The following HIP1 variants were observed in gnomAD, a reference collection of about 807,000 sequenced individuals.
HIP1 encodes the protein huntingtin interacting protein 1.
Under a neutral mutation model 147.6 loss-of-function variants are expected in HIP1, and 65 were observed. That is an observed-to-expected ratio of 0.44 (90% CI 0.36 to 0.54). The LOEUF (loss-of-function observed/expected upper bound fraction) is 0.54. HIP1 is among the 20% of genes least tolerant of loss of function. The probability of loss-of-function intolerance (pLI) is 0.00; values close to 1 mark genes in which losing one functional copy is unlikely to be tolerated. For synonymous variants in HIP1, 479 were observed against 504.0 expected, an observed-to-expected ratio of 0.95 and a Z score of 0.67; for missense variants, 1,061 against 1,299.6, an observed-to-expected ratio of 0.82 and a Z score of 2.82.
intron 1 of HIP1, among the ~76,000 whole-genome samples, chr7:75,669,400 A>C (rs565181898): frequency 4.0e-5 from 6 of 151,654 alleles, no homozygotes; most frequent in East Asian, 1.9e-4. Context: ...CAAAACAAAA[A>C]AACAACAAAA....
intron 8 of HIP1, among the ~76,000 whole-genome samples, chr7:75,572,465 G>A (rs1481885747): frequency 2.6e-5 from 4 of 152,168 alleles, no homozygotes; most frequent in Non-Finnish European, 5.9e-5. Context: ...CAGGTCTGCT[G>A]ATATTTGTGC....
intron 13 of HIP1, 30 bp downstream of exon 13, chr7:75,561,299 G>C (rs781918052): frequency 4.0e-6 from 6 of 1,483,652 alleles, no homozygotes; most frequent in Non-Finnish European, 5.7e-6. Context: ...TTTTGGTGAA[G>C]CGCAAAGGCA....
chr7:75,612,128 C>CG (rs1480916303), intron 1 of HIP1, among the ~76,000 whole-genome samples: 1 of 152,190 alleles, frequency 6.6e-6, no homozygotes, highest in African/African-American at 2.4e-5. Flanking sequence ...GGATGTGCCC[C>CG]GGGTGGGGGT....
intron 5 of HIP1, among the ~76,000 whole-genome samples, chr7:75,583,482 G>A (rs587735547): frequency 6.6e-6 from 1 of 152,246 alleles, no homozygotes; most frequent in South Asian, 2.1e-4. Flanking sequence ...TCGAGGCCAG[G>A]GAGTTCAAAG....
chr7:75,592,268 G>T, intron 3 of HIP1, 104 bp downstream of exon 3: 21 of 1,456,270 alleles, frequency 1.4e-5, no homozygotes, highest in Non-Finnish European at 1.8e-5. Flanking sequence ...AAGGCCAGGA[G>T]AAGGGGGCAG....
intron 1 of HIP1, among the ~76,000 whole-genome samples, chr7:75,628,767 C>T (rs1798123263): frequency 6.6e-6 from 1 of 152,224 alleles, no homozygotes. Flanking sequence ...GTATGAGCCA[C>T]TGCATGCGGC....
intron 19 of HIP1, 41 bp from the exon 20 acceptor site, chr7:75,554,567 A>G (rs782430017): frequency 8.8e-6 from 13 of 1,472,254 alleles, no homozygotes; most frequent in Non-Finnish European, 1.2e-5. Context: ...GCAAGTTCTC[A>G]TAGCTGGCTT....
chr7:75,567,656 C>T (rs1347453639), intron 9 of HIP1, among the ~76,000 whole-genome samples: 1 of 151,072 alleles, frequency 6.6e-6, no homozygotes, highest in East Asian at 1.9e-4. Flanking sequence ...CAAAAATTAG[C>T]TGGGCATGGT....
At chr7:75,565,716 C>T (rs1214384358) in intron 9 of HIP1, among the ~76,000 whole-genome samples, 4 of 149,678 alleles carry the variant, frequency 2.7e-5, no homozygotes, top group Non-Finnish European at 5.9e-5. Context: ...TGCCTGGTTT[C>T]GCCTCCCCTC....
At chr7:75,664,378 ATG>A (rs1345581031) in intron 1 of HIP1, among the ~76,000 whole-genome samples, 5 of 56,652 alleles carry the variant, frequency 8.8e-5, no homozygotes, top group African/African-American at 3.9e-4. Context: ...ACACATACAT[ATG>A]TGTATGTATA....
chr7:75,690,838 G>T (rs543087528), intron 1 of HIP1, among the ~76,000 whole-genome samples: 2 of 152,130 alleles, frequency 1.3e-5, no homozygotes, highest in South Asian at 4.1e-4. Flanking sequence ...ACTCCAGCCT[G>T]GGCGACAAGA....
rs557212761 is a variant in HIP1, at chr7:75,642,997, G to C, written c.121-43750C>G. Among the ~76,000 whole-genome samples, 19 of 152,290 alleles carry C rather than the reference G, an allele frequency of 1.2e-4. 1 individual carries two copies. The highest frequency in any genetic ancestry group is 1.2e-3 in the Admixed American group (19 of 15,286). Reference sequence around the variant, plus strand: ...AACATCCACTGAAAAGCACACAACAGGCCTAGAAGGCTCTCAGTTCCTTGA... The same window carrying C: ...AACATCCACTGAAAAGCACACAACACGCCTAGAAGGCTCTCAGTTCCTTGA... On this transcript the variant is annotated intron_variant, in intron 1 of 30. Coordinates refer to ENST00000336926, the MANE Select transcript of HIP1 (RefSeq NM_005338.7).
intron 4 of HIP1, among the ~76,000 whole-genome samples, chr7:75,591,743 A>T (rs60524613): frequency 2.2e-3 from 335 of 149,420 alleles, no homozygotes; most frequent in African/African-American, 7.7e-3. Flanking sequence ...AAAAAAAAGC[A>T]GGAAACATGG....
At chr7:75,542,025 C>G in intron 28 of HIP1, 45 bp from the exon 29 acceptor site, 1 of 1,526,846 alleles carries the variant, frequency 6.5e-7, no homozygotes, top group Non-Finnish European at 9.1e-7. Flanking sequence ...TCTACCCTGG[C>G]TGACTGGCAC....
At position 75,567,171 on chromosome 7, in the gene HIP1, G is replaced by GT. The variant is rs1276477822; in HGVS notation, c.803+1027dup. ...AATGGAGAGAGAAAGGTTTTTTTTT[G>GT]TTTTTTTTTTTTGAGAAAACCTAAA... On this transcript the variant is annotated intron_variant, in intron 9 of 30. Transcript: ENST00000336926. Among the ~76,000 whole-genome samples the GT allele has an allele frequency of 6.8e-3, 942 of 138,544 alleles. 30 individuals carry two copies. The highest frequency in any genetic ancestry group is 0.019 in the South Asian group (82 of 4,370). 90.9% of individuals were successfully genotyped at this position (138,544 alleles called of 152,430 possible). A position where few individuals can be genotyped will look rare whatever the true frequency, so the allele number is the denominator to read the frequency against.
At chr7:75,563,762 C>T (rs1254355117) in intron 9 of HIP1, among the ~76,000 whole-genome samples, 1 of 152,210 alleles carries the variant, frequency 6.6e-6, no homozygotes, top group Non-Finnish European at 1.5e-5. Flanking sequence ...GACTGAGCTC[C>T]GCTGAGCTGT....
chr7:75,639,998 C>G (rs560259681), intron 1 of HIP1, among the ~76,000 whole-genome samples: 2 of 152,174 alleles, frequency 1.3e-5, no homozygotes, highest in African/African-American at 4.8e-5. Flanking sequence ...CTGCCCTGAG[C>G]TGGGAGCTCC....
chr7:75,623,515 CAT>C (rs1317156268), intron 1 of HIP1, among the ~76,000 whole-genome samples: 1 of 152,192 alleles, frequency 6.6e-6, no homozygotes, highest in Admixed American at 6.6e-5. Context: ...CGGAGGCAGA[CAT>C]GTGGGTGAGG....
At chr7:75,595,217 T>TTTCC (rs1796655705) in intron 2 of HIP1, among the ~76,000 whole-genome samples, 1 of 87,726 alleles carries the variant, frequency 1.1e-5, no homozygotes, top group Non-Finnish European at 2.1e-5. Flanking sequence ...TCTTTCTTTC[T>TTTCC]TTCTTTCTTT....
Sources: allele counts gnomAD v4.1 joint callset (sites outside exome capture counted in the v4.1 genomes callset), GRCh38; gene constraint gnomAD v4.1.1; transcripts MANE v1.5; gene names NCBI Gene and HGNC (gene_info 2026-07-23, HGNC 2026-07-21).